Variants in SLC24A2 observed in about 807,000 individuals in gnomAD.
SLC24A2 encodes the protein solute carrier family 24 member 2.
In SLC24A2, 36 loss-of-function variants were observed where a neutral mutation model predicts 62.0. That is an observed-to-expected ratio of 0.58 (90% confidence interval 0.44 to 0.77). SLC24A2 has a LOEUF of 0.77. Among genes scored for constraint, SLC24A2 ranks in the 30% least tolerant of loss-of-function variants. SLC24A2 has a pLI of 0.00. For synonymous variants in SLC24A2, 358 were observed against 294.0 expected, an observed-to-expected ratio of 1.22 and a Z score of -2.23; for missense variants, 846 against 817.9, an observed-to-expected ratio of 1.03 and a Z score of -0.42.
the SLC24A2 span, among the ~76,000 whole-genome samples, chr9:20,189,054 A>C: frequency 6.7e-6 from 1 of 149,912 alleles, no homozygotes. Context: ...GCCAGAAATT[A>C]GGGTGGCTTT....
chr9:19,908,071 C>A, the SLC24A2 span, among the ~76,000 whole-genome samples: 1 of 152,200 alleles, frequency 6.6e-6, no homozygotes, highest in Non-Finnish European at 1.5e-5. Context: ...ATCACGTTAC[C>A]TGACTTCAAA....
chr9:19,513,173 T>TATATATATATATATAC lies in SLC24A2; in HGVS notation c.*2979_*2980insGTATATATATATATAT, dbSNP rs1426104637. 2.2e-4 allele frequency: 13 copies of TATATATATATATATAC among 59,700 alleles called. No individual in the cohort carries two copies. Among genetic ancestry groups the TATATATATATATATAC allele is most frequent in the African/African-American group, 8.4e-4 (13 of 15,426 alleles). 3.7% of individuals were successfully genotyped at this position (59,700 alleles called of 1,614,324 possible). A position where few individuals can be genotyped will look rare whatever the true frequency, so the allele number is the denominator to read the frequency against. On this transcript the variant is annotated 3_prime_UTR_variant, in exon 11 of 11. Coordinates refer to ENST00000341998, the MANE Select transcript of SLC24A2 (RefSeq NM_020344.4). ...ATAAAGATATATATATATATATATA[T>TATATATATATATATAC]ATGTATATATATATATATGTATATA...
intron 7 of SLC24A2, 108 bp from the exon 8 acceptor site, chr9:19,550,376 C>G (rs1477428126): frequency 2.6e-6 from 3 of 1,164,696 alleles, no homozygotes; most frequent in Non-Finnish European, 3.8e-6. Flanking sequence ...TATCAGTTTT[C>G]TGGACTCGTT....
At chr9:20,060,005 A>G in the SLC24A2 span, among the ~76,000 whole-genome samples, 2 of 152,158 alleles carry the variant, frequency 1.3e-5, no homozygotes, top group South Asian at 2.1e-4. Flanking sequence ...AAAAAGGACT[A>G]TAAGAGAACA....
chr9:20,060,309 G>C, the SLC24A2 span, among the ~76,000 whole-genome samples: 5 of 152,130 alleles, frequency 3.3e-5, no homozygotes, highest in African/African-American at 1.2e-4. Flanking sequence ...ATTCCAAAAA[G>C]CCAGCTTTAT....
At chr9:19,668,584 C>G (rs924226758) in intron 2 of SLC24A2, among the ~76,000 whole-genome samples, 21 of 152,172 alleles carry the variant, frequency 1.4e-4, no homozygotes, top group African/African-American at 4.6e-4. Flanking sequence ...CAGGGTCTCC[C>G]TCTGCAGTGG....
intron 2 of SLC24A2, among the ~76,000 whole-genome samples, chr9:19,717,900 A>G (rs1190268772): frequency 6.6e-6 from 1 of 152,136 alleles, no homozygotes. Context: ...TTACAAGAAG[A>G]AAATCCTACA....
chr9:20,152,236 C>T, the SLC24A2 span, among the ~76,000 whole-genome samples: 1 of 151,814 alleles, frequency 6.6e-6, no homozygotes, highest in African/African-American at 2.4e-5. Flanking sequence ...ATAAGAAGGT[C>T]CAGAAGAATC....
At chr9:19,735,421 A>G (rs1316893960) in intron 2 of SLC24A2, among the ~76,000 whole-genome samples, 4 of 152,084 alleles carry the variant, frequency 2.6e-5, no homozygotes, top group East Asian at 1.9e-4. Context: ...ACTGTAAACT[A>G]GTTCAACCAT....
intron 2 of SLC24A2, among the ~76,000 whole-genome samples, chr9:19,773,744 C>T (rs1464292802): frequency 6.6e-6 from 1 of 152,164 alleles, no homozygotes; most frequent in Non-Finnish European, 1.5e-5. Context: ...AACACAGATG[C>T]TGGCAAACCA....
At chr9:19,522,687 A>T (rs945753554) in intron 9 of SLC24A2, among the ~76,000 whole-genome samples, 5 of 152,162 alleles carry the variant, frequency 3.3e-5, no homozygotes, top group Admixed American at 1.3e-4. Context: ...CACCTTGGTC[A>T]CCACGATCTC....
intron 4 of SLC24A2, among the ~76,000 whole-genome samples, chr9:19,607,594 C>T (rs764065457): frequency 6.6e-6 from 1 of 151,930 alleles, no homozygotes; most frequent in African/African-American, 2.4e-5. Context: ...TGGTGCATGC[C>T]TGTAATCATA....
At chr9:19,769,641 G>A (rs893288381) in intron 2 of SLC24A2, among the ~76,000 whole-genome samples, 4 of 152,178 alleles carry the variant, frequency 2.6e-5, no homozygotes, top group Non-Finnish European at 5.9e-5. Flanking sequence ...GCCACTGACT[G>A]TGTTACCAAT....
the SLC24A2 span, among the ~76,000 whole-genome samples, chr9:19,878,064 G>A: frequency 6.6e-6 from 1 of 152,170 alleles, no homozygotes; most frequent in Non-Finnish European, 1.5e-5. Flanking sequence ...CCTGTGCAGA[G>A]GCATTTTGGG....
chr9:19,680,765 G>A (rs1220453779), intron 2 of SLC24A2, among the ~76,000 whole-genome samples: 3 of 151,994 alleles, frequency 2.0e-5, no homozygotes, highest in South Asian at 4.2e-4. Context: ...ATGTTGAGAA[G>A]TTCACAACTA....
chr9:20,186,725 C>T, the SLC24A2 span, among the ~76,000 whole-genome samples: 3 of 152,090 alleles, frequency 2.0e-5, no homozygotes, highest in Admixed American at 2.0e-4. Context: ...TGCCTATCTC[C>T]TCAAATTATA....
the SLC24A2 span, among the ~76,000 whole-genome samples, chr9:20,102,311 T>TA: frequency 0.11 from 16,837 of 151,550 alleles, 996 homozygotes; most frequent in Middle Eastern, 0.17. Flanking sequence ...TATGCAGCCA[T>TA]AAAAAAAAGT....
chr9:19,867,194 C>T, the SLC24A2 span, among the ~76,000 whole-genome samples: 5 of 151,926 alleles, frequency 3.3e-5, no homozygotes, highest in African/African-American at 2.4e-5. Flanking sequence ...AATATATACA[C>T]CTGCTGTGTA....
the SLC24A2 span, among the ~76,000 whole-genome samples, chr9:20,101,350 T>C: frequency 1.3e-5 from 2 of 152,356 alleles, no homozygotes; most frequent in African/African-American, 2.4e-5. Flanking sequence ...TTCAGTACCT[T>C]GCTGTAGTGC....
Sources: allele counts gnomAD v4.1 joint callset (sites outside exome capture counted in the v4.1 genomes callset), GRCh38; gene constraint gnomAD v4.1.1; transcripts MANE v1.5; gene names NCBI Gene and HGNC (gene_info 2026-07-23, HGNC 2026-07-21).